Variants in PPP1R42 observed in about 807,000 individuals in gnomAD.
PPP1R42 encodes protein phosphatase 1 regulatory subunit 42.
Under a neutral mutation model 31.0 loss-of-function variants are expected in PPP1R42, and 34 were observed. The ratio of observed to expected loss-of-function variants is 1.10; its 90% confidence interval spans 0.83 to 1.46. The LOEUF is 1.46. PPP1R42 is among the 40% of genes most tolerant of loss of function. PPP1R42 has a pLI of 0.00. For synonymous variants in PPP1R42, 103 were observed against 109.8 expected, an observed-to-expected ratio of 0.94 and a Z score of 0.39; for missense variants, 268 against 303.0, an observed-to-expected ratio of 0.88 and a Z score of 0.86.
intron 5 of PPP1R42, among the ~76,000 whole-genome samples, chr8:66,993,077 C>G (rs140959064): frequency 6.6e-6 from 1 of 152,296 alleles, no homozygotes; most frequent in Non-Finnish European, 1.5e-5. Flanking sequence ...CTCTTGACTT[C>G]TTTATTTCTC....
At chr8:67,022,292 ATGTGGAGTTTCTCTTC>A (rs1816246279) in intron 1 of PPP1R42, among the ~76,000 whole-genome samples, 1 of 152,156 alleles carries the variant, frequency 6.6e-6, no homozygotes, top group South Asian at 2.1e-4. Context: ...ATTATTGGCC[ATGTGGAGTTTCTCTTC>A]TGTTAATTGC....
intron 5 of PPP1R42, among the ~76,000 whole-genome samples, chr8:67,006,236 T>C (rs1815668842): frequency 6.6e-6 from 1 of 152,248 alleles, no homozygotes; most frequent in Non-Finnish European, 1.5e-5. Flanking sequence ...TGTCATTTCT[T>C]CCGAGGCCTT....
At chr8:67,025,587 T>C (rs1816370032) in intron 1 of PPP1R42, among the ~76,000 whole-genome samples, 1 of 150,928 alleles carries the variant, frequency 6.6e-6, no homozygotes, top group Non-Finnish European at 1.5e-5. Flanking sequence ...TAAATTGACA[T>C]ACAGCAGATC....
chr8:67,028,250 C>T (rs1348005971), intron 1 of PPP1R42, among the ~76,000 whole-genome samples: 1 of 152,204 alleles, frequency 6.6e-6, no homozygotes, highest in South Asian at 2.1e-4. Context: ...CTCAGCCCCG[C>T]GACCACCCCT....
At chr8:66,981,067 C>G (rs890448282) in intron 7 of PPP1R42, among the ~76,000 whole-genome samples, 49 of 152,136 alleles carry the variant, frequency 3.2e-4, no homozygotes, top group African/African-American at 1.1e-3. Flanking sequence ...GTCTTGAACT[C>G]CTGACCTCAT....
At chr8:66,984,469 ACTC>A in intron 6 of PPP1R42, 1 of 1,284,422 alleles carries the variant, frequency 7.8e-7, no homozygotes, top group South Asian at 1.2e-5. Context: ...CAGTAACACC[ACTC>A]CTATCAGGTA....
At chr8:66,992,086 A>G (rs890112358) in intron 5 of PPP1R42, among the ~76,000 whole-genome samples, 1 of 152,164 alleles carries the variant, frequency 6.6e-6, no homozygotes, top group Non-Finnish European at 1.5e-5. Context: ...ATTGCCAATC[A>G]CATACTTTCC....
chr8:66,986,796 G>C (rs1160237650), intron 6 of PPP1R42, among the ~76,000 whole-genome samples: 1 of 152,192 alleles, frequency 6.6e-6, no homozygotes, highest in Non-Finnish European at 1.5e-5. Context: ...TAGCCTTTCT[G>C]ATAGAAAGTA....
At chr8:66,982,257 G>C (rs1413090328) in intron 6 of PPP1R42, 77 bp from the exon 7 acceptor site, 1 of 684,946 alleles carries the variant, frequency 1.5e-6, no homozygotes, top group African/African-American at 1.9e-5. Flanking sequence ...TTCTGGTTCA[G>C]AGCACAGAAA....
chr8:66,983,194 A>C (rs1814898226), intron 6 of PPP1R42, among the ~76,000 whole-genome samples: 1 of 152,134 alleles, frequency 6.6e-6, no homozygotes, highest in African/African-American at 2.4e-5. Context: ...ATTTCTTAGC[A>C]TGTTTTTATT....
chr8:66,972,607 C>T lies in PPP1R42; in HGVS notation c.803-8273G>A, dbSNP rs148291533. On this transcript the variant is annotated intron_variant, in intron 7 of 7. Transcript: ENST00000685739. ...GTTTCACCATGTTGGCCAGGCTGGTCGTGAACTCCTGACCTCAGGTGATCT... is the reference window on the plus strand; with the variant it reads ...GTTTCACCATGTTGGCCAGGCTGGTTGTGAACTCCTGACCTCAGGTGATCT... Among the ~76,000 whole-genome samples, 403 of 152,218 alleles carry T rather than the reference C, an allele frequency of 2.6e-3. 6 individuals are homozygous for T. The highest frequency in any genetic ancestry group is 9.3e-3 in the African/African-American group (384 of 41,512).
intron 6 of PPP1R42, chr8:66,984,171 G>A: frequency 1.3e-6 from 2 of 1,591,898 alleles, no homozygotes; most frequent in Non-Finnish European, 1.7e-6. Flanking sequence ...TCAGCGCAAG[G>A]TCCCAGTAAT....
chr8:66,996,050 C>CTTA lies in PPP1R42; in HGVS notation c.553-7536_553-7534dup, dbSNP rs1171499490. Among the ~76,000 whole-genome samples the CTTA allele has an allele frequency of 4.6e-5, 7 of 151,924 alleles. No individual in the cohort carries two copies. The South Asian group carries it at 6.2e-4, about 14-fold the overall frequency. ...TTGTTAATTAATTTTCACTGAGTGT[C>CTTA]TTATTATTATTATTATTTGAGACAG... On this transcript the variant is annotated intron_variant, in intron 5 of 7. Coordinates refer to ENST00000685739, the MANE Select transcript of PPP1R42 (RefSeq NM_001364910.1).
At chr8:67,001,383 T>G (rs1282392579) in intron 5 of PPP1R42, among the ~76,000 whole-genome samples, 2 of 150,100 alleles carry the variant, frequency 1.3e-5, no homozygotes, top group African/African-American at 2.4e-5. Flanking sequence ...TCCTACTATC[T>G]CTGCCTTTTA....
chr8:66,973,103 T>G (rs1025151291), intron 7 of PPP1R42, among the ~76,000 whole-genome samples: 1 of 152,228 alleles, frequency 6.6e-6, no homozygotes, highest in Admixed American at 6.5e-5. Context: ...AGTTCTTTTT[T>G]CTTCCCTTGC....
intron 6 of PPP1R42, among the ~76,000 whole-genome samples, chr8:66,987,714 A>G (rs1815065674): frequency 2.6e-5 from 4 of 152,138 alleles, no homozygotes; most frequent in African/African-American, 9.7e-5. Context: ...CTCAATACAA[A>G]ATTTGCTTCC....
intron 7 of PPP1R42, among the ~76,000 whole-genome samples, chr8:66,969,769 A>G (rs1036033493): frequency 6.6e-6 from 1 of 152,216 alleles, no homozygotes. Flanking sequence ...AAACGATTCC[A>G]AAGTATGTCC....
intron 5 of PPP1R42, 114 bp from the exon 6 acceptor site, chr8:66,988,631 A>T (rs1200201568): frequency 4.4e-6 from 4 of 904,982 alleles, no homozygotes; most frequent in Non-Finnish European, 6.5e-6. Flanking sequence ...TCTAGCTCAG[A>T]GCCAGGTACT....
Position 66,967,331 on chromosome 8 carries a change from C to G in PPP1R42, c.803-2997G>C, listed in dbSNP as rs538462614. Among the ~76,000 whole-genome samples the G allele has an allele frequency of 9.9e-5, 15 of 152,254 alleles. No individual in the cohort carries two copies. In the South Asian group the frequency reaches 1.0e-3, roughly 11 times the overall value. ...TTTTTTTGGGAAAGAGGGGGGACTA[C>G]CATAATTTCAAAATGGTTCTTTGAG... On this transcript the variant is annotated intron_variant, in intron 7 of 7. Transcript: ENST00000685739.
Sources: allele counts gnomAD v4.1 joint callset (sites outside exome capture counted in the v4.1 genomes callset), GRCh38; gene constraint gnomAD v4.1.1; transcripts MANE v1.5; gene names NCBI Gene and HGNC (gene_info 2026-07-23, HGNC 2026-07-21).